The following COBL variants were observed in gnomAD, a reference collection of about 807,000 sequenced individuals.
The protein encoded by COBL is cordon-bleu WH2 repeat protein, also known as protein cordon-bleu.
In COBL, 51 loss-of-function variants were observed where a neutral mutation model predicts 98.8. The ratio of observed to expected loss-of-function variants is 0.52; its 90% CI spans 0.41 to 0.65. The LOEUF is 0.65. Ranked by LOEUF, COBL falls within the 30% of genes least tolerant of loss-of-function variation. The pLI is 0.00. For synonymous variants in COBL, 634 were observed against 651.7 expected (o/e 0.97, Z 0.41); for missense variants, 1,617 against 1,617.5 (o/e 1.00, Z 0.01).
intron 5 of COBL, among the ~76,000 whole-genome samples, chr7:51,169,311 T>A (rs79770489): frequency 0.051 from 7,799 of 152,218 alleles, 280 homozygotes; most frequent in Middle Eastern, 0.14. Context: ...ATGTGAATCT[T>A]ACGTGTACTG....
At position 51,017,407 on chromosome 7, in the gene COBL, C is replaced by T. The variant is rs1040991830; in HGVS notation, c.*144G>A. On this transcript the variant is annotated 3_prime_UTR_variant, in exon 13 of 13. Coordinates refer to ENST00000265136, the MANE Select transcript of COBL (RefSeq NM_015198.5). ...TTCCTTTCAAGCCGTTATACAGGAA[C>T]ACACCGAAAATCAACTGTGCGCATT... 2 of 764,574 alleles carry T rather than the reference C, an allele frequency of 2.6e-6. No homozygotes were observed. Among genetic ancestry groups the T allele is most frequent in the Middle Eastern group, 2.3e-4 (1 of 4,416 alleles). The allele number at this position is 764,574 out of a possible 1,614,324, so 47.4% of individuals were successfully genotyped here.
intron 2 of COBL, among the ~76,000 whole-genome samples, chr7:51,214,302 A>AATAT (rs1792799212): frequency 6.6e-6 from 1 of 150,874 alleles, no homozygotes; most frequent in Admixed American, 6.6e-5. Context: ...TAAATAAATA[A>AATAT]ATAAATAAAT....
intron 1 of COBL, among the ~76,000 whole-genome samples, chr7:51,314,515 T>C (rs1245554907): frequency 1.3e-5 from 2 of 152,204 alleles, no homozygotes; most frequent in African/African-American, 2.4e-5. Flanking sequence ...TTAGCAAGCA[T>C]ACACCTAAAT....
chr7:51,275,046 C>T (rs1799167436), intron 1 of COBL, among the ~76,000 whole-genome samples: 2 of 152,190 alleles, frequency 1.3e-5, no homozygotes, highest in African/African-American at 4.8e-5. Flanking sequence ...CTCCATCTTC[C>T]AGGGAGACAG....
chr7:51,142,289 C>CA (rs1799834248), intron 5 of COBL, among the ~76,000 whole-genome samples: 3 of 151,304 alleles, frequency 2.0e-5, no homozygotes, highest in Admixed American at 1.3e-4. Context: ...CTTCAGCCAA[C>CA]AAAATACCGT....
intron 6 of COBL, among the ~76,000 whole-genome samples, chr7:51,092,202 T>A (rs1374102878): frequency 6.6e-6 from 1 of 152,162 alleles, no homozygotes; most frequent in African/African-American, 2.4e-5. Flanking sequence ...GGTGGAACAG[T>A]TTTATCCCGA....
intron 7 of COBL, among the ~76,000 whole-genome samples, chr7:51,059,054 T>C (rs79955247): frequency 3.0e-4 from 45 of 152,308 alleles, no homozygotes; most frequent in African/African-American, 1.0e-3. Context: ...GCACCTGCAA[T>C]GGGATGGGGG....
intron 11 of COBL, among the ~76,000 whole-genome samples, chr7:51,025,602 A>G (rs1461751125): frequency 6.6e-6 from 1 of 152,068 alleles, no homozygotes; most frequent in Non-Finnish European, 1.5e-5. Context: ...CTGTCTATGA[A>G]CCAGAATGTG....
intron 12 of COBL, among the ~76,000 whole-genome samples, chr7:51,021,677 G>A (rs967693651): frequency 3.3e-5 from 5 of 152,108 alleles, no homozygotes; most frequent in Non-Finnish European, 5.9e-5. Flanking sequence ...ATCATAAGAG[G>A]CAAAGTCCAT....
intron 2 of COBL, among the ~76,000 whole-genome samples, chr7:51,205,857 C>T (rs1251190227): frequency 6.6e-6 from 1 of 152,080 alleles, no homozygotes; most frequent in Admixed American, 6.6e-5. Flanking sequence ...AGAACTCAAA[C>T]AACTCAATAG....
chr7:51,303,375 T>C lies in COBL; in HGVS notation c.41+13218A>G, dbSNP rs543964957. 5.9e-5 allele frequency among the ~76,000 whole-genome samples: 9 copies of C among 151,936 alleles called. No individual in the cohort carries two copies. In the East Asian group the frequency reaches 1.7e-3, roughly 29 times the overall value. ...AGGAGCTCAAGACCAGCAAAACCCA[T>C]CTCTACAAACAAACAAAAATACAAA... On this transcript the variant is annotated intron_variant, in intron 1 of 12. Transcript: ENST00000265136.
At chr7:51,034,240 CCTG>C (rs1431157254) in intron 8 of COBL, 1 of 152,442 alleles carries the variant, frequency 6.6e-6, no homozygotes, top group Non-Finnish European at 1.5e-5. Flanking sequence ...TCCTTGGGGC[CCTG>C]CTTGCCCTGA....
chr7:51,148,560 T>C (rs1785254833), intron 5 of COBL, among the ~76,000 whole-genome samples: 1 of 152,214 alleles, frequency 6.6e-6, no homozygotes, highest in Non-Finnish European at 1.5e-5. Flanking sequence ...GCCCCTCTCC[T>C]GCCTAGCTGC....
At chr7:51,176,390 A>G (rs1160981400) in intron 5 of COBL, among the ~76,000 whole-genome samples, 4 of 152,034 alleles carry the variant, frequency 2.6e-5, no homozygotes, top group African/African-American at 9.7e-5. Flanking sequence ...TATTTGGGAT[A>G]TATATGTATA....
chr7:51,182,571 C>T (rs1312393587), intron 5 of COBL, among the ~76,000 whole-genome samples: 1 of 151,612 alleles, frequency 6.6e-6, no homozygotes, highest in African/African-American at 2.4e-5. Flanking sequence ...TGTGAGCCAC[C>T]GCGCCCGGCC....
chr7:51,291,971 G>C (rs1157399455), intron 1 of COBL, among the ~76,000 whole-genome samples: 1 of 152,012 alleles, frequency 6.6e-6, no homozygotes, highest in Non-Finnish European at 1.5e-5. Context: ...GGACCAGCCT[G>C]ACCAACATGG....
At chr7:51,221,068 A>AG (rs1273969993) in intron 1 of COBL, among the ~76,000 whole-genome samples, 1 of 152,170 alleles carries the variant, frequency 6.6e-6, no homozygotes, top group African/African-American at 2.4e-5. Flanking sequence ...AACCTTACCA[A>AG]GTTTACCTTA....
chr7:51,201,471 G>A (rs113414838), intron 2 of COBL, among the ~76,000 whole-genome samples: 3,029 of 152,182 alleles, frequency 0.02, 97 homozygotes, highest in African/African-American at 0.069. Context: ...TCATAAATCT[G>A]AAGGGAGAAA....
intron 4 of COBL, among the ~76,000 whole-genome samples, chr7:51,189,969 G>A (rs1403011953): frequency 6.6e-6 from 1 of 152,194 alleles, no homozygotes; most frequent in African/African-American, 2.4e-5. Flanking sequence ...ACTCTCACCA[G>A]TGGCTCTAAC....
Sources: gnomAD v4.1 joint callset for allele counts (sites outside exome capture counted in the v4.1 genomes callset) on GRCh38, gnomAD v4.1.1 for gene constraint, MANE v1.5 for transcripts, NCBI Gene and HGNC (gene_info 2026-07-23, HGNC 2026-07-21) for gene names.